Variants in HSPG2 observed in about 807,000 individuals in gnomAD.
HSPG2 encodes the protein basement membrane-specific heparan sulfate proteoglycan core protein.
A neutral mutation model predicts 526.6 loss-of-function variants in HSPG2; 278 were observed. The observed-to-expected ratio is 0.53, with a 90% confidence interval of 0.48 to 0.58. The LOEUF (loss-of-function observed/expected upper bound fraction) is 0.58, where lower values mean the gene tolerates loss of function less well. Ranked by LOEUF, HSPG2 falls within the 20% of genes least tolerant of loss-of-function variation. The pLI, the probability that HSPG2 is intolerant of heterozygous loss-of-function variation, is 0.00. For synonymous variants in HSPG2, 2,465 were observed against 2,555.4 expected, an observed-to-expected ratio of 0.96 and a Z score of 1.07; for missense variants, 5,354 against 6,099.5, an observed-to-expected ratio of 0.88 and a Z score of 4.07.
rs748661637 is a variant in HSPG2 at position 21,848,600 on chromosome 1, T to C, written c.7737+43A>G. 3.1e-6 allele frequency: 5 copies of C among 1,609,826 alleles called. No individual in the cohort carries two copies. The Admixed American group carries it at 8.3e-5, about 27-fold the overall frequency. Reference sequence around the variant, plus strand: ...AGTCCCCCCTCTTCCCATTGGGGGCTGGTGTGCCCTGCTTTTGCCCTCCCC... The same window carrying C: ...AGTCCCCCCTCTTCCCATTGGGGGCCGGTGTGCCCTGCTTTTGCCCTCCCC... On this transcript the variant is annotated intron_variant, in intron 59 of 96. Transcript: ENST00000374695. This position sits in a 1 kb window ranked among gnomAD's most constrained non-coding sequence, Gnocchi z 4.9.
intron 57 of HSPG2, 23 bp downstream of exon 57, chr1:21,850,018 C>T (rs1463019779): frequency 6.2e-7 from 1 of 1,612,142 alleles, no homozygotes; most frequent in South Asian, 1.1e-5. Flanking sequence ...GTCCTTCAGG[C>T]TTCCTGAGCT....
chr1:21,828,156 T>C lies in HSPG2; in HGVS notation c.12410-4A>G, dbSNP rs1203373324. 9.6e-7 allele frequency: 1 copy of C among 1,036,456 alleles called. No homozygotes were observed. Among genetic ancestry groups the C allele is most frequent in the Non-Finnish European group, 1.4e-6 (1 of 731,668 alleles). 64.2% of individuals were successfully genotyped at this position (1,036,456 alleles called of 1,614,324 possible). ...TCCTCGTGCTCACACAGGTCTCCTGTGGGCCAGGGCAGAGGCGAGTGGGTG... is the reference window on the plus strand; with the variant it reads ...TCCTCGTGCTCACACAGGTCTCCTGCGGGCCAGGGCAGAGGCGAGTGGGTG... On this transcript the variant is annotated splice_polypyrimidine_tract_variant and splice_region_variant and intron_variant, in intron 89 of 96. Transcript: ENST00000374695. This position sits in a 1 kb window ranked among gnomAD's most constrained non-coding sequence, Gnocchi z 6.0.
Position 21,850,173 on chromosome 1 carries a change from C to T in HSPG2, c.7314G>A (p.Thr2438=), listed in dbSNP as rs745901454. 25 of 1,613,246 alleles carry T rather than the reference C, an allele frequency of 1.5e-5. No homozygotes were observed. The highest frequency in any genetic ancestry group is 4.4e-5 in the South Asian group (4 of 91,094). ...GSVPALGVTP[T]VRIESSSSQV... ...GCGAAGACGATGACTCGATCCGGAC[C>T]GTGGGGGTGACCCCAAGTGCTGGGG... The change falls in exon 57 of 97, where the codon ACG becomes ACA. Residue 2438 remains threonine (T), a synonymous_variant. Transcript: ENST00000374695.
chr1:21,839,236 G>T lies in HSPG2; in HGVS notation c.9889+135C>A. 7.0e-7 allele frequency: 1 copy of T among 1,420,980 alleles called. No individual in the cohort carries two copies. Among genetic ancestry groups the T allele is most frequent in the Non-Finnish European group, 9.7e-7 (1 of 1,027,746 alleles). 88.0% of individuals were successfully genotyped at this position (1,420,980 alleles called of 1,614,324 possible). On this transcript the variant is annotated intron_variant, in intron 73 of 96. Coordinates refer to ENST00000374695, the MANE Select transcript of HSPG2 (RefSeq NM_005529.7). The surrounding 1 kb of genome is among the most constrained non-coding windows in gnomAD (Gnocchi z 4.5). Reference sequence around the variant, plus strand: ...GGTCCCAGGCCAGGGTGTGGGTGTCGGGCAGGGCAGGCTCCAGGACCCTGC... The same window carrying T: ...GGTCCCAGGCCAGGGTGTGGGTGTCTGGCAGGGCAGGCTCCAGGACCCTGC...
chr1:21,852,357 G>A, intron 52 of HSPG2, 124 bp from the exon 53 acceptor site: 1 of 1,268,270 alleles, frequency 7.9e-7, no homozygotes. Context: ...CAGGCATCTG[G>A]GGGCCTGGAC....
At chr1:21,889,286 A>G (rs536412422) in intron 6 of HSPG2, among the ~76,000 whole-genome samples, 110 of 152,118 alleles carry the variant, frequency 7.2e-4, no homozygotes, top group African/African-American at 2.5e-3. Context: ...CGGTCTAGAG[A>G]AAAAAAAGAG....
At chr1:21,880,906 A>G in intron 14 of HSPG2, 71 bp from the exon 15 acceptor site, 1 of 1,424,730 alleles carries the variant, frequency 7.0e-7, no homozygotes, top group South Asian at 1.2e-5. Flanking sequence ...TGAGGTGCCT[A>G]TAGTCTTCCA....
chr1:21,854,379 G>C, intron 49 of HSPG2, 36 bp from the exon 50 acceptor site: 1 of 1,554,834 alleles, frequency 6.4e-7, no homozygotes, highest in Non-Finnish European at 8.7e-7. Context: ...GTGAGGACAG[G>C]GACGGGGGCT....
chr1:21,851,632 G>A lies in HSPG2; in HGVS notation c.7072C>T (p.Leu2358=). Reference sequence around the variant, plus strand: ...CCGGGCACCACGCAGTTCAGATCCAGGGTCTGCCCTTCCGCCACTTGCGAG... The same window carrying A: ...CCGGGCACCACGCAGTTCAGATCCAAGGTCTGCCCTTCCGCCACTTGCGAG... ...SSSQVAEGQT[L]DLNCVVPGQS... is the part of the protein sequence containing the mutation. The change falls in exon 55 of 97, where the codon CTG becomes TTG. Residue 2358 remains leucine (L), a synonymous_variant. Coordinates refer to ENST00000374695, the MANE Select transcript of HSPG2 (RefSeq NM_005529.7). 1 of 1,614,022 alleles carries A rather than the reference G, an allele frequency of 6.2e-7. No individual in the cohort carries two copies. The highest frequency in any genetic ancestry group is 1.7e-5 in the Admixed American group (1 of 60,030).
In HSPG2 at chr1:21,876,016, G is replaced by A. The variant is rs1264826787; in HGVS notation, c.3030C>T (p.Arg1010=). ...GCTGGGACCTCTGGGTCACTGTGAA[G>A]CGCAGCTCTCCTCCATAGGAGGTCA... is the stretch of plus-strand genomic sequence containing the variant. The part of the protein sequence containing the change: ...DKVTSYGGEL[R]FTVTQRSQPG... Residue 1010 remains arginine (R), a synonymous_variant, in exon 24 of 97, where the codon CGC becomes CGT. Transcript: ENST00000374695. The A allele has an allele frequency of 6.2e-7, 1 of 1,614,076 alleles. No homozygotes were observed. The highest frequency in any genetic ancestry group is 1.1e-5 in the South Asian group (1 of 91,086).
At chr1:21,829,304 T>C (rs1050498711) in intron 87 of HSPG2, 79 bp downstream of exon 87, 20 of 1,486,498 alleles carry the variant, frequency 1.3e-5, no homozygotes, top group Non-Finnish European at 1.9e-5. Context: ...TATCCTCCCA[T>C]GCCTCCCTGG....
At chr1:21,841,867 G>A in intron 69 of HSPG2, 135 bp downstream of exon 69, 2 of 1,363,746 alleles carry the variant, frequency 1.5e-6, no homozygotes, top group African/African-American at 2.9e-5. Flanking sequence ...GCCATACAGA[G>A]ACGGGAAGGG....
chr1:21,852,754 A>T lies in HSPG2; in HGVS notation c.6670T>A (p.Ser2224Thr). 1 of 1,612,658 alleles carries T rather than the reference A, an allele frequency of 6.2e-7. No individual in the cohort carries two copies. Among genetic ancestry groups the T allele is most frequent in the Non-Finnish European group, 8.5e-7 (1 of 1,179,686 alleles). The part of the protein sequence containing the change: ...GEYVCHVVGT[S>T]GPLEASVLVT... ...AGGACTGAGGCCTCTAGGGGGCCGGAGGTGCCCACCACATGGCACACATAC... is the reference window on the plus strand; with the variant it reads ...AGGACTGAGGCCTCTAGGGGGCCGGTGGTGCCCACCACATGGCACACATAC... The change falls in exon 52 of 97, where the codon TCC (serine) becomes ACC (threonine). Residue 2224 changes from serine (S) to threonine (T), a missense_variant. By Grantham distance (58) the Ser-to-Thr change is moderately conservative (BLOSUM62 1). Coordinates refer to ENST00000374695, the MANE Select transcript of HSPG2 (RefSeq NM_005529.7).
intron 44 of HSPG2, 35 bp from the exon 45 acceptor site, chr1:21,855,947 T>C (rs781013769): frequency 6.2e-7 from 1 of 1,601,526 alleles, no homozygotes; most frequent in Non-Finnish European, 8.5e-7. Context: ...GCACTCAGGG[T>C]GGGGAGTGTC....
chr1:21,895,803 C>T lies in HSPG2; in HGVS notation c.244+119G>A. The T allele has an allele frequency of 1.1e-6, 1 of 902,936 alleles. No homozygotes were observed. The highest frequency in any genetic ancestry group is 1.8e-6 in the Non-Finnish European group (1 of 545,900). The allele number at this position is 902,936 out of a possible 1,614,324, so 55.9% of individuals were successfully genotyped here. ...CACTCAGCAGGTTAAGAGATCACAC[C>T]CACTTCTTCTTGCTTTGTACCCCAG... On this transcript the variant is annotated intron_variant, in intron 3 of 96. Coordinates refer to ENST00000374695, the MANE Select transcript of HSPG2 (RefSeq NM_005529.7). This position sits in a 1 kb window ranked among gnomAD's most constrained non-coding sequence, Gnocchi z 4.1.
At position 21,865,645 on chromosome 1, in the gene HSPG2, G is replaced by A. The variant is rs1640165731; in HGVS notation, c.4314+72C>T. ...TGAGTGCTGGATGGAAAGGACAAAGGACAAATGCCGAGGGTGCCCCTGGCT... is the reference window on the plus strand; with the variant it reads ...TGAGTGCTGGATGGAAAGGACAAAGAACAAATGCCGAGGGTGCCCCTGGCT... On this transcript the variant is annotated intron_variant, in intron 34 of 96. Transcript: ENST00000374695. This position sits in a 1 kb window ranked among gnomAD's most constrained non-coding sequence, Gnocchi z 5.4. 1 of 1,268,692 alleles carries A rather than the reference G, an allele frequency of 7.9e-7. No individual in the cohort carries two copies. Among genetic ancestry groups the A allele is most frequent in the Non-Finnish European group, 1.2e-6 (1 of 866,458 alleles). The allele number at this position is 1,268,692 out of a possible 1,614,324, so 78.6% of individuals were successfully genotyped here. A position where few individuals can be genotyped will look rare whatever the true frequency, so the allele number is the denominator to read the frequency against.
At position 21,839,942 on chromosome 1, in the gene HSPG2, G is replaced by A. The variant is rs764086635; in HGVS notation, c.9589C>T (p.Gln3197Ter). 1.9e-6 allele frequency: 3 copies of A among 1,614,162 alleles called. No homozygotes were observed. The highest frequency in any genetic ancestry group is 3.3e-5 in the Admixed American group (2 of 60,020). ...CCCGTGTCCACGATCACCTCCACCTGCTTCTGTGCTGTGCCTAGTGCATTC... is the reference window on the plus strand; with the variant it reads ...CCCGTGTCCACGATCACCTCCACCTACTTCTGTGCTGTGCCTAGTGCATTC... ...AQNALGTAQKQVEVIVDTGAM... is the reference protein window; with the variant it reads ...AQNALGTAQK Residue 3197 changes from glutamine (Q) to a stop codon, truncating the protein, a stop_gained, in exon 72 of 97, where the codon CAG becomes TAG. Transcript: ENST00000374695. LOFTEE classifies it high-confidence loss of function. The surrounding 1 kb of genome is among the most constrained non-coding windows in gnomAD (Gnocchi z 4.5).
chr1:21,838,907 G>A lies in HSPG2; in HGVS notation c.10068C>T (p.Ala3356=). 2 of 1,612,240 alleles carry A rather than the reference G, an allele frequency of 1.2e-6. No individual in the cohort carries two copies. Among genetic ancestry groups the A allele is most frequent in the South Asian group, 1.1e-5 (1 of 90,978 alleles). The change falls in exon 74 of 97, where the codon GCC becomes GCT. Residue 3356 remains alanine, a synonymous_variant. Transcript: ENST00000374695. ...AGCGGTAGCGGCCTGAGTCCTCAGG[G>A]GCTGCACGCTCAAAGTGCAGCAGCT... ...RNELLHFERA[A]PEDSGRYRCR...
chr1:21,862,145 C>A (rs1286737917), intron 37 of HSPG2, 30 bp from the exon 38 acceptor site: 7 of 1,608,782 alleles, frequency 4.4e-6, no homozygotes, highest in African/African-American at 1.3e-5. Flanking sequence ...CAGGCACCAG[C>A]CATTAGGCCA....
Sources: allele counts gnomAD v4.1 joint callset (sites outside exome capture counted in the v4.1 genomes callset), GRCh38; gene constraint gnomAD v4.1.1; non-coding constraint Gnocchi (gnomAD v3.1); transcripts MANE v1.5; gene names NCBI Gene and HGNC (gene_info 2026-07-23, HGNC 2026-07-21).